TASP1: variants seen among roughly 807,000 people sequenced by gnomAD.
TASP1 encodes the protein taspase 1, also known as threonine aspartase 1.
A neutral mutation model predicts 56.6 loss-of-function variants in TASP1; 16 were observed. The ratio of observed to expected loss-of-function variants is 0.28; its 90% CI spans 0.19 to 0.43. TASP1 has a LOEUF of 0.43. Among genes scored for constraint, TASP1 ranks in the 20% least tolerant of loss-of-function variants. The probability of loss-of-function intolerance (pLI) is 1.00; values close to 1 mark genes in which losing one functional copy is unlikely to be tolerated. For synonymous variants in TASP1, 179 were observed against 184.2 expected, an observed-to-expected ratio of 0.97 and a Z score of 0.23; for missense variants, 393 against 511.6, an observed-to-expected ratio of 0.77 and a Z score of 2.24.
intron 11 of TASP1, among the ~76,000 whole-genome samples, chr20:13,454,365 G>A (rs915608167): frequency 3.9e-5 from 6 of 152,138 alleles, no homozygotes; most frequent in East Asian, 1.9e-4. Context: ...GTTCCTTGGT[G>A]AGTCTGGAGA....
At chr20:13,619,017 G>C (rs1363192735) in intron 4 of TASP1, among the ~76,000 whole-genome samples, 1 of 152,096 alleles carries the variant, frequency 6.6e-6, no homozygotes, top group Non-Finnish European at 1.5e-5. Context: ...TGGGATTACA[G>C]GAACGCGCCA....
chr20:13,547,574 T>G (rs1321644957), intron 8 of TASP1, among the ~76,000 whole-genome samples: 1 of 152,202 alleles, frequency 6.6e-6, no homozygotes, highest in Non-Finnish European at 1.5e-5. Flanking sequence ...GTTTGGGTTT[T>G]AACCCACAGA....
chr20:13,250,966 A>C, the TASP1 span, among the ~76,000 whole-genome samples: 2 of 152,184 alleles, frequency 1.3e-5, no homozygotes, highest in Admixed American at 1.3e-4. Context: ...TTATTTTATC[A>C]TCTCTTCTTA....
intron 4 of TASP1, among the ~76,000 whole-genome samples, chr20:13,593,026 G>GA (rs1482152855): frequency 6.6e-6 from 1 of 151,984 alleles, no homozygotes; most frequent in Non-Finnish European, 1.5e-5. Flanking sequence ...AACAGACCAG[G>GA]AAAAATCACA....
the TASP1 span, among the ~76,000 whole-genome samples, chr20:13,206,495 TAATAA>T: frequency 6.6e-6 from 1 of 152,164 alleles, no homozygotes; most frequent in African/African-American, 2.4e-5. Flanking sequence ...ATCTTAAAAA[TAATAA>T]AATAATAGAT....
intron 6 of TASP1, among the ~76,000 whole-genome samples, chr20:13,580,591 T>C (rs1003948128): frequency 3.3e-5 from 5 of 152,238 alleles, no homozygotes; most frequent in African/African-American, 1.2e-4. Flanking sequence ...CTATGTTCCA[T>C]GTACTTTTAT....
intron 10 of TASP1, among the ~76,000 whole-genome samples, chr20:13,514,681 T>G (rs577015091): frequency 6.6e-6 from 1 of 152,294 alleles, no homozygotes; most frequent in African/African-American, 2.4e-5. Flanking sequence ...CAACTGAGAT[T>G]TTTTAAAACA....
At chr20:13,407,605 G>T (rs1389046801) in intron 13 of TASP1, among the ~76,000 whole-genome samples, 1 of 152,094 alleles carries the variant, frequency 6.6e-6, no homozygotes, top group Non-Finnish European at 1.5e-5. Flanking sequence ...AAATGGAATT[G>T]CTGGGTCACA....
At chr20:13,521,469 T>G (rs1407384498) in intron 10 of TASP1, among the ~76,000 whole-genome samples, 2 of 152,180 alleles carry the variant, frequency 1.3e-5, no homozygotes, top group African/African-American at 4.8e-5. Context: ...TTCATGTCCT[T>G]TTTAGGGACA....
intron 11 of TASP1, among the ~76,000 whole-genome samples, chr20:13,443,652 A>C (rs2043299610): frequency 6.6e-6 from 1 of 152,244 alleles, no homozygotes; most frequent in African/African-American, 2.4e-5. Flanking sequence ...TACACAAATT[A>C]CAGACCCACT....
chr20:13,566,089 C>A (rs1601273493), intron 7 of TASP1, among the ~76,000 whole-genome samples: 1 of 151,924 alleles, frequency 6.6e-6, no homozygotes, highest in Non-Finnish European at 1.5e-5. Flanking sequence ...AAGCCAATTA[C>A]AAAAGGACAA....
the TASP1 span, among the ~76,000 whole-genome samples, chr20:13,380,786 A>G: frequency 2.6e-5 from 4 of 152,036 alleles, no homozygotes; most frequent in Non-Finnish European, 2.9e-5. Flanking sequence ...AGAGAGGAGG[A>G]ATCTAGAGAG....
the TASP1 span, among the ~76,000 whole-genome samples, chr20:13,384,342 C>T: frequency 5.9e-5 from 9 of 152,194 alleles, no homozygotes; most frequent in African/African-American, 1.9e-4. Context: ...CCACTGGACT[C>T]ACTTTCTCTC....
chr20:13,407,859 T>C (rs957153327), intron 13 of TASP1, among the ~76,000 whole-genome samples: 19 of 152,194 alleles, frequency 1.2e-4, no homozygotes, highest in African/African-American at 4.6e-4. Flanking sequence ...CTGTACTTAC[T>C]GGCTATTTGT....
the TASP1 span, among the ~76,000 whole-genome samples, chr20:13,197,388 A>G: frequency 6.6e-6 from 1 of 152,216 alleles, no homozygotes; most frequent in African/African-American, 2.4e-5. Flanking sequence ...GAGTCATTAC[A>G]GCAATAAAGA....
chr20:13,195,433 A>C, the TASP1 span, among the ~76,000 whole-genome samples: 1 of 152,164 alleles, frequency 6.6e-6, no homozygotes, highest in Non-Finnish European at 1.5e-5. Context: ...GGGAATTAGC[A>C]TCCTTTTCCA....
At chr20:13,623,052 T>C (rs1309615084) in intron 4 of TASP1, among the ~76,000 whole-genome samples, 1 of 152,180 alleles carries the variant, frequency 6.6e-6, no homozygotes, top group Non-Finnish European at 1.5e-5. Context: ...AACTGTTAGG[T>C]TCGTGAAGAA....
At chr20:13,515,554 A>C (rs2044492737) in intron 10 of TASP1, among the ~76,000 whole-genome samples, 1 of 151,600 alleles carries the variant, frequency 6.6e-6, no homozygotes. Flanking sequence ...CACTTAAAAA[A>C]AAAAAAAAAA....
the TASP1 span, among the ~76,000 whole-genome samples, chr20:13,221,564 G>A: frequency 6.9e-6 from 1 of 144,652 alleles, no homozygotes; most frequent in African/African-American, 2.5e-5. Context: ...CGGCGGCGGC[G>A]GCGGCGGCGG....
Sources: allele counts gnomAD v4.1 joint callset (sites outside exome capture counted in the v4.1 genomes callset), GRCh38; gene constraint gnomAD v4.1.1; transcripts MANE v1.5; gene names NCBI Gene and HGNC (gene_info 2026-07-23, HGNC 2026-07-21).